PTPN23: variants seen among roughly 807,000 people sequenced by gnomAD.
PTPN23 encodes tyrosine-protein phosphatase non-receptor type 23.
PTPN23 carries 72 observed loss-of-function variants against 156.3 expected under a neutral mutation model. That is an observed-to-expected ratio of 0.46 (90% CI 0.38 to 0.56). PTPN23 has a LOEUF of 0.56. PTPN23 is among the 20% of genes least tolerant of loss of function. The pLI is 0.00. For synonymous variants in PTPN23, 957 were observed against 899.6 expected, an observed-to-expected ratio of 1.06 and a Z score of -1.14; for missense variants, 1,974 against 2,171.5, an observed-to-expected ratio of 0.91 and a Z score of 1.81.
rs1250809039 is a variant in PTPN23 at position 47,381,051 on chromosome 3, G to A, written c.-46G>A. On this transcript the variant is annotated 5_prime_UTR_variant, in exon 1 of 25. Coordinates refer to ENST00000265562, the MANE Select transcript of PTPN23 (RefSeq NM_015466.4). The stretch of plus-strand genomic sequence containing the variant: ...TGGGCTCGTGGCTGAGCCAGCAGCT[G>A]CAGCAGCTACGGGAGTGGCCGGGTG... 7 of 1,551,470 alleles carry A rather than the reference G, an allele frequency of 4.5e-6. No homozygotes were observed. The East Asian group carries it at 1.7e-4, about 38-fold the overall frequency.
intron 2 of PTPN23, among the ~76,000 whole-genome samples, chr3:47,399,818 T>TTTTTG (rs1437505653): frequency 2.0e-5 from 3 of 152,114 alleles, no homozygotes; most frequent in Non-Finnish European, 4.4e-5. Context: ...GATCACTGTT[T>TTTTTG]TTTTTGTTTT....
rs749411789 is a variant in PTPN23, at chr3:47,412,988, C to T, written c.4714C>T (p.Pro1572Ser). The stretch of plus-strand genomic sequence containing the variant: ...AGTGCCTGAAGCCCCCAGCTCGGGG[C>T]CCCCCTCCTCCTCCCTGGAATTGCT... ...PPVPEAPSSG[P>S]PSSSLELLAS... Residue 1572 changes from proline to serine, a missense_variant, in exon 25 of 25, where the codon CCC (proline) becomes TCC (serine). Physicochemically the swap from Pro to Ser is moderately conservative, Grantham distance 74. This residue lies in a region of PTPN23 where 484 missense variants were observed against 516.0 expected (regional missense o/e 0.94). Transcript: ENST00000265562. The T allele has an allele frequency of 1.2e-6, 2 of 1,604,532 alleles. No individual in the cohort carries two copies. Among genetic ancestry groups the T allele is most frequent in the Admixed American group, 1.7e-5 (1 of 59,476 alleles).
At chr3:47,402,658 G>A (rs1001943590) in intron 2 of PTPN23, among the ~76,000 whole-genome samples, 2 of 152,134 alleles carry the variant, frequency 1.3e-5, no homozygotes, top group Non-Finnish European at 2.9e-5. Flanking sequence ...ACATTATGGT[G>A]TACAGTCTTC....
In PTPN23 at chr3:47,381,197, T is replaced by C; in HGVS notation, c.84+17T>C. On this transcript the variant is annotated intron_variant, in intron 1 of 24. Coordinates refer to ENST00000265562, the MANE Select transcript of PTPN23 (RefSeq NM_015466.4). ...GTGAAGAAGGTGAGCTTGCCTTCCA[T>C]CTTCCCCCCTATCCGCCGCGTATCT... 6.4e-7 allele frequency: 1 copy of C among 1,568,256 alleles called. No individual in the cohort carries two copies. The highest frequency in any genetic ancestry group is 8.6e-7 in the Non-Finnish European group (1 of 1,157,036).
rs1054635990 is a variant in PTPN23, at chr3:47,407,921, A to G, written c.1150A>G (p.Met384Val). ...GAAGGCCAAGCTGCTCCGGGAGATGATGGCCAAGATTGAGGACAAGAATGA... is the reference window on the plus strand; with the variant it reads ...GAAGGCCAAGCTGCTCCGGGAGATGGTGGCCAAGATTGAGGACAAGAATGA... The part of the protein sequence containing the change: ...EEKAKLLREM[M>V]AKIEDKNEVL... Residue 384 changes from methionine to valine, a missense_variant, in exon 14 of 25, where the codon ATG (methionine) becomes GTG (valine). Coordinates refer to ENST00000265562, the MANE Select transcript of PTPN23 (RefSeq NM_015466.4). The surrounding 1 kb of genome is among the most constrained non-coding windows in gnomAD (Gnocchi z 4.0). 1.2e-6 allele frequency: 2 copies of G among 1,614,108 alleles called. No individual in the cohort carries two copies. The highest frequency in any genetic ancestry group is 1.7e-6 in the Non-Finnish European group (2 of 1,180,026).
At chr3:47,404,300 C>T (rs1342702787) in intron 2 of PTPN23, among the ~76,000 whole-genome samples, 4 of 151,806 alleles carry the variant, frequency 2.6e-5, no homozygotes, top group African/African-American at 9.7e-5. Flanking sequence ...GGCATGGTGG[C>T]GTGTGCCTGT....
rs370831041 is a variant in PTPN23, at chr3:47,406,296, G to A, written c.547-29G>A. On this transcript the variant is annotated intron_variant, in intron 6 of 24. Coordinates refer to ENST00000265562, the MANE Select transcript of PTPN23 (RefSeq NM_015466.4). The surrounding 1 kb of genome is among the most constrained non-coding windows in gnomAD (Gnocchi z 5.8). The stretch of plus-strand genomic sequence containing the variant: ...GGGAAGCGGGAGGCCTTGGGTGAGC[G>A]AGGGAGTGCACCTCACGTGTCGCCC... 1.1e-4 allele frequency: 178 copies of A among 1,612,058 alleles called. No homozygotes were observed. The highest frequency in any genetic ancestry group is 1.7e-4 in the Middle Eastern group (1 of 5,984).
intron 2 of PTPN23, among the ~76,000 whole-genome samples, chr3:47,398,471 C>T (rs1367203861): frequency 6.6e-6 from 1 of 152,092 alleles, no homozygotes; most frequent in Non-Finnish European, 1.5e-5. Flanking sequence ...TCAGATTCTC[C>T]CCCTTCCCCG....
intron 1 of PTPN23, among the ~76,000 whole-genome samples, chr3:47,388,394 T>C (rs1309455022): frequency 6.6e-6 from 1 of 151,954 alleles, no homozygotes; most frequent in Non-Finnish European, 1.5e-5. Context: ...TTTTTAGAGA[T>C]AAGGTCTCAC....
chr3:47,405,737 C>G lies in PTPN23; in HGVS notation c.365-12C>G. On this transcript the variant is annotated splice_polypyrimidine_tract_variant and intron_variant, in intron 4 of 24. Coordinates refer to ENST00000265562, the MANE Select transcript of PTPN23 (RefSeq NM_015466.4). The surrounding 1 kb of genome is among the most constrained non-coding windows in gnomAD (Gnocchi z 4.7). ...AGCCCCAGGCCCCTAACACTGTCCCCTCCCTCCCCAGGAGCGCTGCACTCC... is the reference window on the plus strand; with the variant it reads ...AGCCCCAGGCCCCTAACACTGTCCCGTCCCTCCCCAGGAGCGCTGCACTCC... The G allele has an allele frequency of 6.2e-7, 1 of 1,600,428 alleles. No individual in the cohort carries two copies. Among genetic ancestry groups the G allele is most frequent in the Non-Finnish European group, 8.5e-7 (1 of 1,174,318 alleles).
rs776066525 is a variant in PTPN23 at position 47,411,671 on chromosome 3, G to A, written c.3873G>A (p.Glu1291=). The A allele has an allele frequency of 6.2e-7, 1 of 1,604,326 alleles. No individual in the cohort carries two copies. The highest frequency in any genetic ancestry group is 1.7e-5 in the Admixed American group (1 of 59,864). Residue 1291 remains glutamate (E), a synonymous_variant, in exon 20 of 25, where the codon GAG becomes GAA. Coordinates refer to ENST00000265562, the MANE Select transcript of PTPN23 (RefSeq NM_015466.4). This position sits in a 1 kb window ranked among gnomAD's most constrained non-coding sequence, Gnocchi z 6.3. ...KVSVIVMLVS[E]AEMEKQKVAR... ...CAGTCATTGTCATGCTGGTTTCTGA[G>A]GCTGAGATGGAGAAGGTGAGAAGAG...
chr3:47,382,815 A>T (rs1236072970), intron 1 of PTPN23, among the ~76,000 whole-genome samples: 1 of 149,494 alleles, frequency 6.7e-6, no homozygotes, highest in Non-Finnish European at 1.5e-5. Flanking sequence ...CAGCCTCCCA[A>T]GTAGCTGGGA....
At position 47,406,979 on chromosome 3, in the gene PTPN23, G is replaced by A. The variant is rs1173675397; in HGVS notation, c.808-151G>A. The A allele has an allele frequency of 1.8e-6, 2 of 1,141,014 alleles. No homozygotes were observed. The highest frequency in any genetic ancestry group is 1.5e-5 in the African/African-American group (1 of 65,232). 70.7% of individuals were successfully genotyped at this position (1,141,014 alleles called of 1,614,324 possible). On this transcript the variant is annotated intron_variant, in intron 9 of 24. Transcript: ENST00000265562. The surrounding 1 kb of genome is among the most constrained non-coding windows in gnomAD (Gnocchi z 5.8). ...AGAGCAGGTGGCTGGGGCAGGGTGT[G>A]GCGCCACCTTGCTGCTGTTGGCTGG...
rs376315085 is a variant in PTPN23 at position 47,412,894 on chromosome 3, C to G, written c.4620C>G (p.Ile1540Met). 57 of 1,610,044 alleles carry G rather than the reference C, an allele frequency of 3.5e-5. No individual in the cohort carries two copies. The highest frequency in any genetic ancestry group is 4.5e-5 in the Non-Finnish European group (53 of 1,177,394). Residue 1540 changes from isoleucine (I) to methionine (M), a missense_variant, in exon 25 of 25, where the codon ATC (isoleucine) becomes ATG (methionine). This residue lies in a region of PTPN23 where 484 missense variants were observed against 516.0 expected (regional missense o/e 0.94). Coordinates refer to ENST00000265562, the MANE Select transcript of PTPN23 (RefSeq NM_015466.4). ...PPASLPESTP[I>M]PSSSPPPLSS... ...CCAGCCTCCCAGAGTCTACCCCAAT[C>G]CCATCTTCCTCCCCGCCCCCCCTTT...
At chr3:47,398,648 C>T (rs1361342374) in intron 2 of PTPN23, among the ~76,000 whole-genome samples, 1 of 151,976 alleles carries the variant, frequency 6.6e-6, no homozygotes, top group African/African-American at 2.4e-5. Context: ...TCACTGCAGC[C>T]TCCATCTCCC....
At chr3:47,409,355 G>A (rs772783382) in intron 17 of PTPN23, 38 bp downstream of exon 17, 19 of 1,612,994 alleles carry the variant, frequency 1.2e-5, no homozygotes, top group African/African-American at 4.0e-5. Context: ...CTCTGGCTCC[G>A]GGCCCCACCC....
chr3:47,384,251 G>A (rs1338711605), intron 1 of PTPN23, among the ~76,000 whole-genome samples: 1 of 151,824 alleles, frequency 6.6e-6, no homozygotes, highest in Non-Finnish European at 1.5e-5. Context: ...GGCAGATCAC[G>A]AGGTCAGGAG....
Position 47,411,161 on chromosome 3 carries a change from C to T in PTPN23, c.3363C>T (p.Ser1121=). 4 of 1,602,138 alleles carry T rather than the reference C, an allele frequency of 2.5e-6. No homozygotes were observed. In the South Asian group the frequency reaches 4.4e-5, roughly 18 times the overall value. The change falls in exon 20 of 25, where the codon TCC becomes TCT. Residue 1121 remains serine (S), a synonymous_variant. Coordinates refer to ENST00000265562, the MANE Select transcript of PTPN23 (RefSeq NM_015466.4). The surrounding 1 kb of genome is among the most constrained non-coding windows in gnomAD (Gnocchi z 6.3). ...RRGAAAADLL[S]SSPESQHGGT... is the part of the protein sequence containing the mutation. ...GCGCCGCAGCTGCAGACCTGCTCTC[C>T]TCCAGCCCGGAGAGCCAGCATGGCG...
At chr3:47,396,393 G>A in intron 2 of PTPN23, 176 bp downstream of exon 2, 1 of 415,048 alleles carries the variant, frequency 2.4e-6, no homozygotes, top group Non-Finnish European at 4.5e-6. Flanking sequence ...TGGCCAACAT[G>A]GTGAAACCCC....
Sources: gnomAD v4.1 joint callset for allele counts (sites outside exome capture counted in the v4.1 genomes callset) on GRCh38, gnomAD v4.1.1 for gene constraint, gnomAD v4.1.1 regional missense constraint, Gnocchi (gnomAD v3.1) non-coding constraint, MANE v1.5 for transcripts, NCBI Gene and HGNC (gene_info 2026-07-23, HGNC 2026-07-21) for gene names.